Variants in RNF8 observed in about 807,000 individuals in gnomAD.
RNF8 encodes the protein ring finger protein 8.
RNF8 carries 8 observed loss-of-function variants against 59.3 expected under a neutral mutation model. That is an observed-to-expected ratio of 0.13 (90% CI 0.08 to 0.24). The LOEUF (loss-of-function observed/expected upper bound fraction) is 0.24. RNF8 is among the 10% of genes least tolerant of loss of function. The pLI is 1.00. For synonymous variants in RNF8, 162 were observed against 200.0 expected (o/e 0.81, Z 1.60); for missense variants, 406 against 572.6 (o/e 0.71, Z 2.97).
chr6:37,387,267 C>G (rs1770543336), intron 7 of RNF8, among the ~76,000 whole-genome samples: 1 of 152,154 alleles, frequency 6.6e-6, no homozygotes, highest in African/African-American at 2.4e-5. Flanking sequence ...TTTCTGTATC[C>G]TGGAGAGTTT....
intron 1 of RNF8, among the ~76,000 whole-genome samples, chr6:37,357,594 T>C (rs1769169484): frequency 6.6e-6 from 1 of 152,218 alleles, no homozygotes; most frequent in Non-Finnish European, 1.5e-5. Flanking sequence ...TTAACAGATA[T>C]GTGTATTCAG....
Position 37,381,144 on chromosome 6 carries a change from C to A in RNF8, c.1237-6C>A, listed in dbSNP as rs2284923. The A allele has an allele frequency of 6.2e-7, 1 of 1,612,274 alleles. No individual in the cohort carries two copies. Among genetic ancestry groups the A allele is most frequent in the Non-Finnish European group, 8.5e-7 (1 of 1,178,466 alleles). On this transcript the variant is annotated splice_polypyrimidine_tract_variant and splice_region_variant and intron_variant, in intron 6 of 7. Coordinates refer to ENST00000373479, the MANE Select transcript of RNF8 (RefSeq NM_003958.4). ...TCTGATATGTGTGTCCACATTCCTACTGTAGGCTGTCACCTTGAACTGTGC... is the reference window on the plus strand; with the variant it reads ...TCTGATATGTGTGTCCACATTCCTAATGTAGGCTGTCACCTTGAACTGTGC...
intron 1 of RNF8, among the ~76,000 whole-genome samples, chr6:37,358,067 G>GT (rs1769184557): frequency 6.6e-6 from 1 of 152,218 alleles, no homozygotes; most frequent in African/African-American, 2.4e-5. Flanking sequence ...AGGCTTATGA[G>GT]TAGCTGGAAC....
chr6:37,386,169 T>G (rs1012955470), intron 7 of RNF8, among the ~76,000 whole-genome samples: 10 of 146,906 alleles, frequency 6.8e-5, no homozygotes, highest in African/African-American at 2.2e-4. Flanking sequence ...TATTGGCACC[T>G]CAGAATACAC....
chr6:37,361,853 G>T (rs1037634601), intron 2 of RNF8, among the ~76,000 whole-genome samples: 1 of 152,196 alleles, frequency 6.6e-6, no homozygotes, highest in Non-Finnish European at 1.5e-5. Flanking sequence ...CCATGAGCAG[G>T]ATAAAAATTG....
chr6:37,390,651 A>G (rs1581704412), intron 7 of RNF8, 91 bp from the exon 8 acceptor site: 1 of 889,930 alleles, frequency 1.1e-6, no homozygotes, highest in South Asian at 1.4e-5. Context: ...CTGTGTGAGG[A>G]AGAGACAGGG....
intron 5 of RNF8, among the ~76,000 whole-genome samples, chr6:37,375,301 G>T (rs74842455): frequency 6.6e-6 from 1 of 152,318 alleles, no homozygotes; most frequent in East Asian, 1.9e-4. Flanking sequence ...ATCCAGAAGT[G>T]CAGGCCCAGT....
chr6:37,369,324 A>G, intron 3 of RNF8, 106 bp downstream of exon 3: 3 of 1,325,498 alleles, frequency 2.3e-6, no homozygotes, highest in Non-Finnish European at 3.0e-6. Flanking sequence ...CCAAATTCTG[A>G]GCACCAAAGA....
At chr6:37,387,153 A>C (rs1166500637) in intron 7 of RNF8, among the ~76,000 whole-genome samples, 1 of 152,206 alleles carries the variant, frequency 6.6e-6, no homozygotes, top group African/African-American at 2.4e-5. Flanking sequence ...ATACCTTATC[A>C]GCTGGATATA....
intron 7 of RNF8, among the ~76,000 whole-genome samples, chr6:37,383,478 G>A (rs1301722601): frequency 1.3e-5 from 2 of 152,228 alleles, no homozygotes; most frequent in Non-Finnish European, 2.9e-5. Context: ...TCCCATCACT[G>A]CAGGCCCTGG....
chr6:37,385,502 C>G (rs1393631733), intron 7 of RNF8, among the ~76,000 whole-genome samples: 1 of 151,784 alleles, frequency 6.6e-6, no homozygotes, highest in Admixed American at 6.6e-5. Flanking sequence ...TGGTGCACAC[C>G]TGTAATCCCA....
intron 1 of RNF8, among the ~76,000 whole-genome samples, chr6:37,357,342 G>A (rs750307835): frequency 9.2e-5 from 14 of 152,144 alleles, no homozygotes; most frequent in Non-Finnish European, 1.8e-4. Context: ...GGCAGTGCAG[G>A]GAAGGATGTA....
chr6:37,390,334 C>T (rs536028422), intron 7 of RNF8, among the ~76,000 whole-genome samples: 6 of 152,260 alleles, frequency 3.9e-5, no homozygotes, highest in East Asian at 1.9e-4. Flanking sequence ...AAGGAAGGCA[C>T]CTCTGAGCAG....
intron 5 of RNF8, among the ~76,000 whole-genome samples, chr6:37,375,528 C>T (rs1415291952): frequency 1.3e-5 from 2 of 152,160 alleles, no homozygotes; most frequent in Non-Finnish European, 2.9e-5. Flanking sequence ...CATCTGTCAT[C>T]CCACCCCCTC....
intron 1 of RNF8, chr6:37,359,492 G>A (rs1292788261): frequency 1.1e-5 from 2 of 188,284 alleles, no homozygotes; most frequent in Non-Finnish European, 2.2e-5. Flanking sequence ...TGATCTGATG[G>A]CAGATTAAAA....
At chr6:37,376,681 G>A (rs886154737) in intron 5 of RNF8, among the ~76,000 whole-genome samples, 5 of 152,198 alleles carry the variant, frequency 3.3e-5, no homozygotes, top group Admixed American at 3.3e-4. Context: ...AATTTGGGAG[G>A]AAGCACAAAC....
intron 6 of RNF8, among the ~76,000 whole-genome samples, chr6:37,379,163 G>A (rs539706628): frequency 2.0e-5 from 3 of 152,072 alleles, no homozygotes; most frequent in South Asian, 2.1e-4. Context: ...ACAGGCACCC[G>A]CCACCACACC....
At chr6:37,387,292 C>T (rs1377514520) in intron 7 of RNF8, among the ~76,000 whole-genome samples, 2 of 152,200 alleles carry the variant, frequency 1.3e-5, no homozygotes, top group African/African-American at 4.8e-5. Context: ...TGCTTTTACA[C>T]TTGTCTCATT....
Position 37,360,421 on chromosome 6 carries a change from T to G in RNF8, c.112-25T>G. The G allele has an allele frequency of 1.9e-6, 3 of 1,601,440 alleles. No homozygotes were observed. In the South Asian group the frequency reaches 3.3e-5, roughly 18 times the overall value. ...TTTTCAGCACAATGACTGATGGTAT[T>G]TCTTGCATTGTTGTTGTCTCCCAGG... On this transcript the variant is annotated intron_variant, in intron 1 of 7. Coordinates refer to ENST00000373479, the MANE Select transcript of RNF8 (RefSeq NM_003958.4). This position sits in a 1 kb window ranked among gnomAD's most constrained non-coding sequence, Gnocchi z 4.2.
Sources: gnomAD v4.1 joint callset for allele counts (sites outside exome capture counted in the v4.1 genomes callset) on GRCh38, gnomAD v4.1.1 for gene constraint, Gnocchi (gnomAD v3.1) non-coding constraint, MANE v1.5 for transcripts, NCBI Gene and HGNC (gene_info 2026-07-23, HGNC 2026-07-21) for gene names.